Variants in HTR4 observed in about 807,000 individuals in gnomAD.
HTR4 encodes the protein 5-hydroxytryptamine (serotonin) receptor 4, G protein-coupled.
A neutral mutation model predicts 36.8 loss-of-function variants in HTR4; 16 were observed. That is an observed-to-expected ratio of 0.43 (90% confidence interval 0.29 to 0.66). The LOEUF is 0.66. Among genes scored for constraint, HTR4 ranks in the 30% least tolerant of loss-of-function variants. The pLI is 0.13. For missense variants in HTR4, 438 were observed against 490.9 expected (o/e 0.89, Z 1.02); for synonymous variants, 189 against 185.1 (o/e 1.02, Z -0.17).
intron 1 of HTR4, among the ~76,000 whole-genome samples, chr5:148,653,340 G>C (rs539232880): frequency 6.6e-6 from 1 of 152,204 alleles, no homozygotes; most frequent in Admixed American, 6.5e-5. Context: ...ACCACTTTTT[G>C]ACCTCTGCCA....
At chr5:148,618,359 C>G (rs1044891518) in intron 2 of HTR4, among the ~76,000 whole-genome samples, 7 of 152,232 alleles carry the variant, frequency 4.6e-5, no homozygotes, top group African/African-American at 1.7e-4. Context: ...GTTCCATCTA[C>G]TCTTTCTGAT....
chr5:148,494,799 T>C (rs950398492), intron 6 of HTR4, among the ~76,000 whole-genome samples: 3 of 152,244 alleles, frequency 2.0e-5, no homozygotes, highest in African/African-American at 7.2e-5. Context: ...ACACTTGGAA[T>C]ATAACTAGTG....
intron 2 of HTR4, among the ~76,000 whole-genome samples, chr5:148,594,130 G>A (rs1391993480): frequency 6.6e-6 from 1 of 152,012 alleles, no homozygotes; most frequent in African/African-American, 2.4e-5. Flanking sequence ...TATTTCAGTA[G>A]CAGTATAACA....
chr5:148,596,881 G>A (rs1367530525), intron 2 of HTR4, among the ~76,000 whole-genome samples: 1 of 152,112 alleles, frequency 6.6e-6, no homozygotes, highest in African/African-American at 2.4e-5. Context: ...GATGGCTATG[G>A]CCCTGACTTT....
intron 5 of HTR4, among the ~76,000 whole-genome samples, chr5:148,512,748 C>T (rs959011768): frequency 1.2e-4 from 19 of 152,030 alleles, no homozygotes; most frequent in African/African-American, 4.1e-4. Context: ...CTGGCCAACA[C>T]GGCAAAACAC....
downstream of HTR4, among the ~76,000 whole-genome samples, chr5:148,478,612 G>A (rs143360031): frequency 5.1e-3 from 772 of 152,240 alleles, 3 homozygotes; most frequent in Non-Finnish European, 7.9e-3. Flanking sequence ...CTGGTCCAGC[G>A]ATTGGGCTTT....
At chr5:148,476,813 G>A (rs1755713494), downstream of HTR4, 1 of 1,607,692 alleles carries the variant, frequency 6.2e-7, no homozygotes, top group Non-Finnish European at 8.5e-7. Flanking sequence ...AATGTCACAG[G>A]AGAAGAACAA....
At chr5:148,634,037 C>T (rs181604983) in intron 2 of HTR4, among the ~76,000 whole-genome samples, 10 of 152,216 alleles carry the variant, frequency 6.6e-5, no homozygotes, top group South Asian at 6.2e-4. Context: ...AATTAAATGA[C>T]GCCAAACAAA....
chr5:148,636,702 T>C (rs1405602592), intron 2 of HTR4, among the ~76,000 whole-genome samples: 1 of 152,174 alleles, frequency 6.6e-6, no homozygotes, highest in Non-Finnish European at 1.5e-5. Context: ...CTTAAATACA[T>C]CTTTCTTCCT....
intron 4 of HTR4, among the ~76,000 whole-genome samples, chr5:148,536,477 A>C (rs994159689): frequency 6.6e-6 from 1 of 152,030 alleles, no homozygotes; most frequent in African/African-American, 2.4e-5. Context: ...ACCCAATGGT[A>C]TGCTGTCTTA....
chr5:148,566,113 T>G (rs1760426959), intron 2 of HTR4, among the ~76,000 whole-genome samples: 1 of 152,182 alleles, frequency 6.6e-6, no homozygotes, highest in South Asian at 2.1e-4. Context: ...TCTAAATGTC[T>G]ATATTTGGGT....
chr5:148,572,100 A>T (rs1760700987), intron 2 of HTR4, among the ~76,000 whole-genome samples: 1 of 152,122 alleles, frequency 6.6e-6, no homozygotes, highest in African/African-American at 2.4e-5. Context: ...CTAATATGCA[A>T]CGTAATGTAA....
chr5:148,594,142 A>C (rs1761679306), intron 2 of HTR4, among the ~76,000 whole-genome samples: 1 of 152,192 alleles, frequency 6.6e-6, no homozygotes, highest in Non-Finnish European at 1.5e-5. Context: ...AGTATAACAT[A>C]TATTCCTAAT....
intron 2 of HTR4, among the ~76,000 whole-genome samples, chr5:148,580,698 G>A (rs865985652): frequency 6.6e-6 from 1 of 152,024 alleles, no homozygotes; most frequent in Non-Finnish European, 1.5e-5. Flanking sequence ...CAAATGTTAG[G>A]TTTTTCTTCT....
chr5:148,529,173 G>C (rs1486417526), intron 4 of HTR4, among the ~76,000 whole-genome samples: 1 of 151,934 alleles, frequency 6.6e-6, no homozygotes, highest in East Asian at 1.9e-4. Flanking sequence ...TCACTCAGCT[G>C]CCTCTCCCAT....
In HTR4 at chr5:148,481,878, G is replaced by T; in HGVS notation, c.*1325C>A. On this transcript the variant is annotated 3_prime_UTR_variant, in exon 7 of 7. Coordinates refer to ENST00000377888, the MANE Select transcript of HTR4 (RefSeq NM_000870.7). ...AAGGACAAAGCTGGAAAGGTCAGGG[G>T]TCTAAAAGGCCCAAATGAGGAGGGT... 1 of 1,213,964 alleles carries T rather than the reference G, an allele frequency of 8.2e-7. No individual in the cohort carries two copies. The highest frequency in any genetic ancestry group is 1.0e-6 in the Non-Finnish European group (1 of 977,670). The allele number at this position is 1,213,964 out of a possible 1,614,324, so 75.2% of individuals were successfully genotyped here.
At chr5:148,650,576 A>T (rs11748531) in intron 1 of HTR4, among the ~76,000 whole-genome samples, 38,706 of 151,560 alleles carry the variant, frequency 0.26, 5,913 homozygotes, top group African/African-American at 0.42. Context: ...AGTTTTTTTT[A>T]AAAAAAATGG....
intron 2 of HTR4, among the ~76,000 whole-genome samples, chr5:148,555,486 G>T (rs927106661): frequency 1.3e-5 from 2 of 152,118 alleles, no homozygotes; most frequent in Non-Finnish European, 2.9e-5. Context: ...TTTAAATTAG[G>T]CAGAACTGTC....
chr5:148,583,507 T>A (rs1761227418), intron 2 of HTR4, among the ~76,000 whole-genome samples: 1 of 151,926 alleles, frequency 6.6e-6, no homozygotes, highest in Non-Finnish European at 1.5e-5. Flanking sequence ...CTAATAATAC[T>A]CATATTTTAC....
Sources: gnomAD v4.1 joint callset for allele counts (sites outside exome capture counted in the v4.1 genomes callset) on GRCh38, gnomAD v4.1.1 for gene constraint, MANE v1.5 for transcripts, NCBI Gene and HGNC (gene_info 2026-07-23, HGNC 2026-07-21) for gene names.